The following ALG6 variants were observed in gnomAD, a reference collection of about 807,000 sequenced individuals.
ALG6 encodes ALG6 alpha-1,3-glucosyltransferase.
In ALG6, 46 loss-of-function variants were observed where a neutral mutation model predicts 66.6. The ratio of observed to expected loss-of-function variants is 0.69; its 90% CI spans 0.55 to 0.88. The LOEUF (loss-of-function observed/expected upper bound fraction) is 0.88. Among genes scored for constraint, ALG6 ranks in the 40% least tolerant of loss-of-function variants. The pLI is 0.00. For synonymous variants in ALG6, 185 were observed against 203.7 expected, an observed-to-expected ratio of 0.91 and a Z score of 0.78; for missense variants, 505 against 586.8, an observed-to-expected ratio of 0.86 and a Z score of 1.44.
At chr1:63,397,224 C>T (rs970606082) in intron 3 of ALG6, among the ~76,000 whole-genome samples, 3 of 151,644 alleles carry the variant, frequency 2.0e-5, no homozygotes, top group East Asian at 1.9e-4. Flanking sequence ...CTCACTCTGT[C>T]GCCCAGGCTG....
At chr1:63,373,209 G>C (rs1283461434) in intron 2 of ALG6, among the ~76,000 whole-genome samples, 2 of 151,570 alleles carry the variant, frequency 1.3e-5, no homozygotes. Flanking sequence ...GTCTCACCAT[G>C]TTGCCCAGGC....
intron 4 of ALG6, among the ~76,000 whole-genome samples, chr1:63,403,118 A>G (rs1048230877): frequency 6.6e-6 from 1 of 150,922 alleles, no homozygotes; most frequent in Non-Finnish European, 1.5e-5. Flanking sequence ...AAAAAAAAAA[A>G]AAGAACTATC....
At position 63,437,115 on chromosome 1, in the gene ALG6, A is replaced by C. The variant is rs994819051; in HGVS notation, c.*95A>C. On this transcript the variant is annotated 3_prime_UTR_variant, in exon 15 of 15. Coordinates refer to ENST00000263440, the MANE Select transcript of ALG6 (RefSeq NM_013339.4). The stretch of plus-strand genomic sequence containing the variant: ...CTTTTTGCTATGTATAAATGAAATT[A>C]CCATTTTGAGAACCATGGAACCACA... 9.9e-6 allele frequency: 11 copies of C among 1,111,728 alleles called. No individual in the cohort carries two copies. The highest frequency in any genetic ancestry group is 1.4e-5 in the Non-Finnish European group (11 of 762,978). 68.9% of individuals were successfully genotyped at this position (1,111,728 alleles called of 1,614,324 possible).
At chr1:63,379,137 T>G (rs1570035676) in intron 2 of ALG6, among the ~76,000 whole-genome samples, 1 of 152,184 alleles carries the variant, frequency 6.6e-6, no homozygotes, top group South Asian at 2.1e-4. Flanking sequence ...CTTCATGAGC[T>G]TAGTGATTTT....
At chr1:63,403,179 T>C (rs2367275) in intron 4 of ALG6, among the ~76,000 whole-genome samples, 89,571 of 150,624 alleles carry the variant, frequency 0.59, 28,115 homozygotes, top group African/African-American at 0.79. Flanking sequence ...GCAAGAAATG[T>C]GAAAAACCTA....
At chr1:63,408,468 C>T (rs933044476) in intron 7 of ALG6, among the ~76,000 whole-genome samples, 6 of 152,116 alleles carry the variant, frequency 3.9e-5, no homozygotes, top group Non-Finnish European at 8.8e-5. Context: ...TGGGCCATGA[C>T]GAATAATGCT....
chr1:63,404,692 T>G, intron 5 of ALG6, 151 bp downstream of exon 5: 1 of 692,468 alleles, frequency 1.4e-6, no homozygotes, highest in South Asian at 1.7e-5. Flanking sequence ...GTATACATGA[T>G]CCAAGACCAA....
At chr1:63,403,263 A>T (rs1236164290) in intron 4 of ALG6, among the ~76,000 whole-genome samples, 1 of 152,144 alleles carries the variant, frequency 6.6e-6, no homozygotes, top group Admixed American at 6.6e-5. Flanking sequence ...TGTTGTGTAT[A>T]AGAAAGTTTT....
At chr1:63,383,778 C>T (rs763010179) in intron 2 of ALG6, among the ~76,000 whole-genome samples, 6 of 152,108 alleles carry the variant, frequency 3.9e-5, no homozygotes, top group Middle Eastern at 3.4e-3. Flanking sequence ...TTATTCATTC[C>T]GTGTAATTAT....
intron 9 of ALG6, chr1:63,413,602 T>A: frequency 6.1e-6 from 1 of 164,112 alleles, no homozygotes; most frequent in South Asian, 1.6e-4. Flanking sequence ...TGCTAATGTC[T>A]TTAGACTTTG....
intron 2 of ALG6, among the ~76,000 whole-genome samples, chr1:63,383,591 G>A (rs1648405213): frequency 6.6e-6 from 1 of 152,048 alleles, no homozygotes. Context: ...AACATGAAAT[G>A]TTTTGATACA....
At chr1:63,435,868 G>A (rs546040810) in intron 14 of ALG6, among the ~76,000 whole-genome samples, 2 of 152,248 alleles carry the variant, frequency 1.3e-5, no homozygotes, top group Admixed American at 6.5e-5. Flanking sequence ...AAGTTCTATT[G>A]TATAGCACAT....
intron 8 of ALG6, 119 bp from the exon 9 acceptor site, chr1:63,411,807 G>GT: frequency 7.3e-7 from 1 of 1,362,126 alleles, no homozygotes; most frequent in South Asian, 1.2e-5. Flanking sequence ...GCCTATATTG[G>GT]TAACATAGAT....
chr1:63,383,746 T>C (rs533498431), intron 2 of ALG6, among the ~76,000 whole-genome samples: 2 of 152,350 alleles, frequency 1.3e-5, no homozygotes, highest in East Asian at 3.9e-4. Context: ...AGTCACCCTG[T>C]TGAGCTATCA....
intron 2 of ALG6, among the ~76,000 whole-genome samples, chr1:63,394,004 A>G (rs1350260593): frequency 6.6e-6 from 1 of 152,248 alleles, no homozygotes; most frequent in Non-Finnish European, 1.5e-5. Flanking sequence ...TATATATGCT[A>G]TAGAAAAGTT....
chr1:63,415,107 T>C (rs1019590150), intron 10 of ALG6, among the ~76,000 whole-genome samples: 7 of 152,166 alleles, frequency 4.6e-5, no homozygotes, highest in African/African-American at 1.7e-4. Flanking sequence ...CCAAATCTTA[T>C]GAGAATTTCC....
At position 63,403,010 on chromosome 1, in the gene ALG6, G is replaced by T. The variant is rs1438324280; in HGVS notation, c.257+667G>T. Among the ~76,000 whole-genome samples the T allele has an allele frequency of 2.1e-5, 3 of 144,032 alleles. 1 individual carries two copies. Among genetic ancestry groups the T allele is most frequent in the South Asian group, 4.4e-4 (2 of 4,572 alleles). 94.5% of individuals were successfully genotyped at this position (144,032 alleles called of 152,430 possible). On this transcript the variant is annotated intron_variant, in intron 4 of 14. Coordinates refer to ENST00000263440, the MANE Select transcript of ALG6 (RefSeq NM_013339.4). ...CTTGGGAGGCTGAGGCAGGAGAATC[G>T]CTTGAACCCAGGAGGTGGAGGTTGC...
chr1:63,391,822 AC>A (rs1266629710), intron 2 of ALG6, among the ~76,000 whole-genome samples: 1 of 152,196 alleles, frequency 6.6e-6, no homozygotes, highest in Non-Finnish European at 1.5e-5. Flanking sequence ...ATTTTCAGAG[AC>A]CTAAAAATAT....
chr1:63,437,050 C>T lies in ALG6; in HGVS notation c.*30C>T, dbSNP rs1398173738. 4 of 1,592,798 alleles carry T rather than the reference C, an allele frequency of 2.5e-6. No homozygotes were observed. In the African/African-American group the frequency reaches 5.4e-5, roughly 21 times the overall value. ...ATTCCTAAACAAATTGTTTCCTAAA[C>T]AAATGTGAAAATGTGAACAGTGCTG... On this transcript the variant is annotated 3_prime_UTR_variant, in exon 15 of 15. Transcript: ENST00000263440.
Sources: allele counts gnomAD v4.1 joint callset (sites outside exome capture counted in the v4.1 genomes callset), GRCh38; gene constraint gnomAD v4.1.1; transcripts MANE v1.5; gene names NCBI Gene and HGNC (gene_info 2026-07-23, HGNC 2026-07-21).